Variants in GPR158 observed in about 807,000 individuals in gnomAD.
The protein encoded by GPR158 is G protein-coupled receptor 158.
Under a neutral mutation model 78.2 loss-of-function variants are expected in GPR158, and 30 were observed. The ratio of observed to expected loss-of-function variants is 0.38; its 90% CI spans 0.29 to 0.52. The LOEUF (loss-of-function observed/expected upper bound fraction) is 0.52. GPR158 is among the 20% of genes least tolerant of loss of function. The probability of loss-of-function intolerance (pLI) is 0.83; values close to 1 mark genes in which losing one functional copy is unlikely to be tolerated. For missense variants in GPR158, 1,463 were observed against 1,523.5 expected (o/e 0.96, Z 0.66); for synonymous variants, 581 against 591.1 (o/e 0.98, Z 0.25).
At position 25,596,801 on chromosome 10, in the gene GPR158, ACT is replaced by A; in HGVS notation, c.2145+15_2145+16del. ...CAGAGGACATTCGGGTAATGCCAGT[ACT>A]CTATCTTTCTTCCTATTTCAGATTA... On this transcript the variant is annotated intron_variant, in intron 10 of 10. Transcript: ENST00000376351. 6.2e-7 allele frequency: 1 copy of A among 1,608,402 alleles called. No individual in the cohort carries two copies. The highest frequency in any genetic ancestry group is 8.5e-7 in the Non-Finnish European group (1 of 1,176,274).
chr10:25,513,122 C>T (rs919345877), intron 5 of GPR158, among the ~76,000 whole-genome samples: 1 of 149,774 alleles, frequency 6.7e-6, no homozygotes. Context: ...ACCAATTCTT[C>T]TTTGAATGTC....
chr10:25,523,700 A>T (rs1039102656), intron 5 of GPR158, among the ~76,000 whole-genome samples: 1 of 152,202 alleles, frequency 6.6e-6, no homozygotes, highest in African/African-American at 2.4e-5. Flanking sequence ...ATCAACAAGG[A>T]AACAGTATAA....
chr10:25,295,813 G>T (rs1288568365), intron 2 of GPR158, among the ~76,000 whole-genome samples: 1 of 152,104 alleles, frequency 6.6e-6, no homozygotes, highest in African/African-American at 2.4e-5. Flanking sequence ...ATCTCCAGAC[G>T]GAGAACATTC....
At chr10:25,205,429 G>C (rs1348896577) in intron 1 of GPR158, among the ~76,000 whole-genome samples, 1 of 150,914 alleles carries the variant, frequency 6.6e-6, no homozygotes, top group African/African-American at 2.4e-5. Flanking sequence ...TTTAACTTTG[G>C]GGTTTGTTTG....
At chr10:25,192,441 A>T (rs576426160) in intron 1 of GPR158, among the ~76,000 whole-genome samples, 1 of 152,316 alleles carries the variant, frequency 6.6e-6, no homozygotes, top group African/African-American at 2.4e-5. Flanking sequence ...TCAGAAAAAC[A>T]GCATGGGAAT....
rs1835426595 is a variant in GPR158 at position 25,466,548 on chromosome 10, C to A, written c.1336-103C>A. On this transcript the variant is annotated intron_variant, in intron 4 of 10. Coordinates refer to ENST00000376351, the MANE Select transcript of GPR158 (RefSeq NM_020752.3). The stretch of plus-strand genomic sequence containing the variant: ...TTTCATTAATTTATTTAATTTCCCC[C>A]AAAGAATGCTGTCCTACTGCATTGT... 9 of 649,140 alleles carry A rather than the reference C, an allele frequency of 1.4e-5. No individual in the cohort carries two copies. The Admixed American group carries it at 2.5e-4, about 18-fold the overall frequency. 40.2% of individuals were successfully genotyped at this position (649,140 alleles called of 1,614,324 possible).
At chr10:25,472,348 C>G (rs1408841035) in intron 5 of GPR158, among the ~76,000 whole-genome samples, 1 of 152,086 alleles carries the variant, frequency 6.6e-6, no homozygotes, top group Non-Finnish European at 1.5e-5. Flanking sequence ...CAGTACCATG[C>G]TGTTTTGGTT....
chr10:25,389,166 A>G (rs1834260269), intron 2 of GPR158, among the ~76,000 whole-genome samples: 1 of 152,136 alleles, frequency 6.6e-6, no homozygotes, highest in Non-Finnish European at 1.5e-5. Context: ...ACCTTCAGAC[A>G]GGGGAGGTGG....
chr10:25,337,179 A>G (rs1005136968), intron 2 of GPR158, among the ~76,000 whole-genome samples: 3 of 152,120 alleles, frequency 2.0e-5, no homozygotes, highest in Non-Finnish European at 4.4e-5. Flanking sequence ...TAAGAAAGAC[A>G]TACATATAGT....
intron 5 of GPR158, among the ~76,000 whole-genome samples, chr10:25,483,875 G>A (rs1835696993): frequency 6.6e-6 from 1 of 152,062 alleles, no homozygotes; most frequent in South Asian, 2.1e-4. Flanking sequence ...CACGTCTGCT[G>A]CATCTATTTC....
intron 5 of GPR158, among the ~76,000 whole-genome samples, chr10:25,508,142 T>TTTTA (rs537567591): frequency 3.3e-5 from 5 of 152,286 alleles, no homozygotes; most frequent in Admixed American, 6.5e-5. Flanking sequence ...AATTTAATCT[T>TTTTA]TTTATTTATT....
At chr10:25,341,189 T>C (rs1855298295) in intron 2 of GPR158, among the ~76,000 whole-genome samples, 1 of 151,934 alleles carries the variant, frequency 6.6e-6, no homozygotes, top group African/African-American at 2.4e-5. Flanking sequence ...AAAGAAAATA[T>C]TAATGGGTAT....
intron 2 of GPR158, among the ~76,000 whole-genome samples, chr10:25,305,381 T>C (rs1854658239): frequency 6.6e-6 from 1 of 152,114 alleles, no homozygotes; most frequent in Non-Finnish European, 1.5e-5. Context: ...CTGACAAGAG[T>C]AAGATTACAT....
rs544746456 is a variant in GPR158, at chr10:25,514,549, A to G, written c.1405-36427A>G. The stretch of plus-strand genomic sequence containing the variant: ...ATATTGAGATGTGAAGTACTATTCT[A>G]TTCCTCATGCTGTTTGTTGCCCGAA... On this transcript the variant is annotated intron_variant, in intron 5 of 10. Coordinates refer to ENST00000376351, the MANE Select transcript of GPR158 (RefSeq NM_020752.3). Among the ~76,000 whole-genome samples, 21 of 152,174 alleles carry G rather than the reference A, an allele frequency of 1.4e-4. 1 individual carries two copies. In the South Asian group the frequency reaches 2.3e-3, roughly 17 times the overall value.
chr10:25,363,861 C>G (rs1855677860), intron 2 of GPR158, among the ~76,000 whole-genome samples: 1 of 151,952 alleles, frequency 6.6e-6, no homozygotes, highest in Admixed American at 6.6e-5. Context: ...TGACTGACAA[C>G]TTTATTACAT....
chr10:25,522,491 T>C (rs1414167060), intron 5 of GPR158, among the ~76,000 whole-genome samples: 1 of 152,182 alleles, frequency 6.6e-6, no homozygotes, highest in Non-Finnish European at 1.5e-5. Flanking sequence ...TCTCTTTGGC[T>C]TTGGTAATGA....
At chr10:25,447,268 TGAAA>T (rs1242712856) in intron 4 of GPR158, among the ~76,000 whole-genome samples, 1 of 152,204 alleles carries the variant, frequency 6.6e-6, no homozygotes, top group Non-Finnish European at 1.5e-5. Flanking sequence ...AGCATGTTCT[TGAAA>T]GAATCAGGTT....
At chr10:25,239,607 C>CA (rs11394522) in intron 2 of GPR158, among the ~76,000 whole-genome samples, 88,166 of 137,554 alleles carry the variant, frequency 0.64, 27,491 homozygotes, top group East Asian at 0.81. Flanking sequence ...GACTCTGTCT[C>CA]AAAAAAAAAA....
At chr10:25,379,381 C>A (rs1281181165) in intron 2 of GPR158, among the ~76,000 whole-genome samples, 1 of 152,072 alleles carries the variant, frequency 6.6e-6, no homozygotes, top group Admixed American at 6.6e-5. Flanking sequence ...CTTAACCCAA[C>A]CAAAGCTTGA....
Sources: allele counts gnomAD v4.1 joint callset (sites outside exome capture counted in the v4.1 genomes callset), GRCh38; gene constraint gnomAD v4.1.1; transcripts MANE v1.5; gene names NCBI Gene and HGNC (gene_info 2026-07-23, HGNC 2026-07-21).